Variants in FYCO1 observed in about 807,000 individuals in gnomAD.
The protein encoded by FYCO1 is FYVE and coiled-coil domain autophagy adaptor 1.
In FYCO1, 122 loss-of-function variants were observed where a neutral mutation model predicts 165.1. The observed-to-expected ratio is 0.74, with a 90% CI of 0.64 to 0.86. FYCO1 has a LOEUF of 0.86. Among genes scored for constraint, FYCO1 ranks in the 40% least tolerant of loss-of-function variants. The pLI is 0.00. For synonymous variants in FYCO1, 648 were observed against 742.5 expected, an observed-to-expected ratio of 0.87 and a Z score of 2.07; for missense variants, 1,702 against 1,810.3, an observed-to-expected ratio of 0.94 and a Z score of 1.09.
intron 14 of FYCO1, among the ~76,000 whole-genome samples, chr3:45,949,023 T>C (rs1034515133): frequency 1.3e-5 from 2 of 152,136 alleles, no homozygotes; most frequent in African/African-American, 4.8e-5. Context: ...TGACACAAAA[T>C]GGAAGCCCTC....
At chr3:45,925,137 C>T (rs999494335) in intron 16 of FYCO1, among the ~76,000 whole-genome samples, 2 of 151,774 alleles carry the variant, frequency 1.3e-5, no homozygotes, top group African/African-American at 4.8e-5. Flanking sequence ...ATCATGTTGG[C>T]CAGGCTGGTC....
Position 45,967,501 on chromosome 3 carries a change from C to A in FYCO1, c.1833G>T (p.Glu611Asp), listed in dbSNP as rs1410285597. Residue 611 changes from glutamate to aspartate, a missense_variant, in exon 8 of 18, where the codon GAG (glutamate) becomes GAT (aspartate). Glu to Asp is a conservative substitution (Grantham distance 45). Coordinates refer to ENST00000296137, the MANE Select transcript of FYCO1 (RefSeq NM_024513.4). ...DDTKVQEGSQEEELRQANREL... is the reference protein window; with the variant it reads ...DDTKVQEGSQDEELRQANREL... ...CCCTGTTGGCCTGCCGGAGCTCTTC[C>A]TCCTGGCTGCCCTCTTGCACCTTGG... 6.2e-7 allele frequency: 1 copy of A among 1,613,762 alleles called. No homozygotes were observed. Among genetic ancestry groups the A allele is most frequent in the Non-Finnish European group, 8.5e-7 (1 of 1,179,988 alleles).
intron 14 of FYCO1, chr3:45,947,302 A>T: frequency 6.2e-7 from 1 of 1,614,170 alleles, no homozygotes; most frequent in Non-Finnish European, 8.5e-7. Flanking sequence ...ATGGTGACAG[A>T]GGCCATCGCA....
In FYCO1 at chr3:45,921,806, CCGT is replaced by C. The variant is rs1214705097; in HGVS notation, c.4393_4395del (p.Thr1465del). ...CCATCGTAGATCACAGGCCGATCAA[CCGT>C]CAAGTGATAAAATACCTTTTTAGAG... On this transcript the variant is annotated inframe_deletion, in exon 18 of 18. Coordinates refer to ENST00000296137, the MANE Select transcript of FYCO1 (RefSeq NM_024513.4). 1.9e-6 allele frequency: 3 copies of C among 1,612,898 alleles called. No homozygotes were observed. In the African/African-American group the frequency reaches 4.0e-5, roughly 22 times the overall value.
At chr3:45,930,656 C>A (rs1465163567) in intron 16 of FYCO1, among the ~76,000 whole-genome samples, 1 of 152,246 alleles carries the variant, frequency 6.6e-6, no homozygotes, top group East Asian at 1.9e-4. Flanking sequence ...TCTACTGACA[C>A]CTTTCCGGGT....
At chr3:45,922,386 C>G (rs1419346132) in intron 17 of FYCO1, among the ~76,000 whole-genome samples, 1 of 152,230 alleles carries the variant, frequency 6.6e-6, no homozygotes, top group African/African-American at 2.4e-5. Context: ...CACATCTCTC[C>G]TTGGTCTCTC....
intron 16 of FYCO1, among the ~76,000 whole-genome samples, chr3:45,925,674 C>T (rs1326468317): frequency 6.6e-6 from 1 of 152,160 alleles, no homozygotes; most frequent in Non-Finnish European, 1.5e-5. Flanking sequence ...GCCCTCAGGA[C>T]TCTTGTGGTT....
rs773693634 is a variant in FYCO1 at position 45,919,490 on chromosome 3, C to A, written c.*2275G>T. The A allele has an allele frequency of 1.3e-5, 2 of 152,190 alleles. No individual in the cohort carries two copies. Among genetic ancestry groups the A allele is most frequent in the Non-Finnish European group, 2.9e-5 (2 of 68,048 alleles). The allele number at this position is 152,190 out of a possible 1,614,324, so 9.4% of individuals were successfully genotyped here. ...AGCAGTCAGTGCTCAAGGTGTTGCACGCAAAACATCCAGCTCTCCTGGAGG... is the reference window on the plus strand; with the variant it reads ...AGCAGTCAGTGCTCAAGGTGTTGCAAGCAAAACATCCAGCTCTCCTGGAGG... On this transcript the variant is annotated 3_prime_UTR_variant, in exon 18 of 18. Coordinates refer to ENST00000296137, the MANE Select transcript of FYCO1 (RefSeq NM_024513.4).
chr3:45,926,176 G>A (rs1490873411), intron 16 of FYCO1, among the ~76,000 whole-genome samples: 1 of 152,188 alleles, frequency 6.6e-6, no homozygotes, highest in African/African-American at 2.4e-5. Flanking sequence ...AGCAATCACA[G>A]TAAGTGAAAA....
chr3:45,981,497 A>T (rs775263503), intron 3 of FYCO1, 73 bp downstream of exon 3: 23 of 970,658 alleles, frequency 2.4e-5, no homozygotes, highest in African/African-American at 6.4e-5. Context: ...CATATCTTGA[A>T]TGCTGATGAG....
intron 17 of FYCO1, 94 bp downstream of exon 17, chr3:45,923,562 G>A: frequency 1.2e-6 from 1 of 808,848 alleles, no homozygotes; most frequent in South Asian, 1.4e-5. Context: ...ATAAGTTACT[G>A]ACAAATAATT....
chr3:45,946,847 C>T, intron 14 of FYCO1: 1 of 1,614,234 alleles, frequency 6.2e-7, no homozygotes, highest in East Asian at 2.2e-5. Context: ...TCCTCACCTG[C>T]ATCACTGTGG....
intron 14 of FYCO1, chr3:45,945,858 T>C (rs904731329): frequency 5.9e-5 from 9 of 152,222 alleles, no homozygotes; most frequent in African/African-American, 2.2e-4. Flanking sequence ...ATCTATGCAA[T>C]TGAGGGGAAG....
At position 45,919,690 on chromosome 3, in the gene FYCO1, C is replaced by T. The variant is rs1287937551; in HGVS notation, c.*2075G>A. 1 of 152,236 alleles carries T rather than the reference C, an allele frequency of 6.6e-6. No homozygotes were observed. The highest frequency in any genetic ancestry group is 1.9e-4 in the East Asian group (1 of 5,206). The allele number at this position is 152,236 out of a possible 1,614,324, so 9.4% of individuals were successfully genotyped here. ...GTCATCAGCTTGGCCAGAGTCTCCG[C>T]AGTATCCTTGGAAAGCCAAGCACTC... On this transcript the variant is annotated 3_prime_UTR_variant, in exon 18 of 18. Transcript: ENST00000296137.
rs145296434 is a variant in FYCO1, at chr3:45,938,246, G to A, written c.3945-1703C>T. On this transcript the variant is annotated intron_variant, in intron 14 of 17. Coordinates refer to ENST00000296137, the MANE Select transcript of FYCO1 (RefSeq NM_024513.4). Reference sequence around the variant, plus strand: ...GGTTTCCCAGACCCTTGCTGGCCCCGACAGACGCCCTGCATGAGTGAGGTA... The same window carrying A: ...GGTTTCCCAGACCCTTGCTGGCCCCAACAGACGCCCTGCATGAGTGAGGTA... 1,028 of 1,289,086 alleles carry A rather than the reference G, an allele frequency of 8.0e-4. 10 individuals carry two copies. In the African/African-American group the frequency reaches 0.014, roughly 17 times the overall value. The allele number at this position is 1,289,086 out of a possible 1,614,324, so 79.9% of individuals were successfully genotyped here. A position where few individuals can be genotyped will look rare whatever the true frequency, so the allele number is the denominator to read the frequency against.
Position 45,959,509 on chromosome 3 carries a change from G to A in FYCO1, c.3471C>T (p.Ala1157=), listed in dbSNP as rs749807053. 1.9e-6 allele frequency: 3 copies of A among 1,614,076 alleles called. No individual in the cohort carries two copies. The highest frequency in any genetic ancestry group is 1.6e-4 in the Middle Eastern group (1 of 6,062). ...DKDALWQKSD[A]LEFQQKLSAE... ...CACTGAGCTTCTGCTGGAATTCCAG[G>A]GCATCTGACTTCTGCCAGAGAGCAT... The change falls in exon 12 of 18, where the codon GCC becomes GCT. Residue 1157 remains alanine (A), a synonymous_variant. Coordinates refer to ENST00000296137, the MANE Select transcript of FYCO1 (RefSeq NM_024513.4).
rs768809895 is a variant in FYCO1, at chr3:45,981,676, T to C, written c.56A>G (p.Asp19Gly). The change falls in exon 3 of 18, where the codon GAT becomes GGT. Residue 19 changes from aspartate (D) to glycine (G), a missense_variant and splice_region_variant. Coordinates refer to ENST00000296137, the MANE Select transcript of FYCO1 (RefSeq NM_024513.4). ...QLQRIIRDLQ[D>G]AVTELSKEFQ... ...TTCTTTGCTTAGTTCTGTCACAGCATCTTTAAGACAACAAATAGGAACATG... is the reference window on the plus strand; with the variant it reads ...TTCTTTGCTTAGTTCTGTCACAGCACCTTTAAGACAACAAATAGGAACATG... 1.1e-5 allele frequency: 18 copies of C among 1,602,070 alleles called. No homozygotes were observed. The highest frequency in any genetic ancestry group is 1.5e-5 in the Non-Finnish European group (18 of 1,168,960).
rs1559458785 is a variant in FYCO1, at chr3:45,966,368, GC to G, written c.2965del (p.Ala989ProfsTer19). ...QAQLAQAEQRAQSLQEAAHQE... is the reference protein window; with the variant it reads ...QAQLAQAEQRXQSLQEAAHQE... Reference sequence around the variant, plus strand: ...GTGTGCAGCCTCTTGGAGGCTCTGGGCCCGCTGCTCTGCCTGGGCGAGCTGG... The same window carrying G: ...GTGTGCAGCCTCTTGGAGGCTCTGGGCCGCTGCTCTGCCTGGGCGAGCTGG... On this transcript the variant is annotated frameshift_variant, in exon 8 of 18. Transcript: ENST00000296137. LOFTEE classifies it high-confidence loss of function. 6.2e-7 allele frequency: 1 copy of G among 1,614,170 alleles called. No homozygotes were observed. The highest frequency in any genetic ancestry group is 2.2e-5 in the East Asian group (1 of 44,888).
At chr3:45,947,307 A>G in intron 14 of FYCO1, 2 of 1,614,174 alleles carry the variant, frequency 1.2e-6, no homozygotes, top group South Asian at 2.2e-5. Context: ...GACAGAGGCC[A>G]TCGCATACCT....
Sources: gnomAD v4.1 joint callset for allele counts (sites outside exome capture counted in the v4.1 genomes callset) on GRCh38, gnomAD v4.1.1 for gene constraint, MANE v1.5 for transcripts, NCBI Gene and HGNC (gene_info 2026-07-23, HGNC 2026-07-21) for gene names.